The following UBA6 variants were observed in gnomAD, a reference collection of about 807,000 sequenced individuals.
UBA6 encodes ubiquitin like modifier activating enzyme 6.
UBA6 carries 87 observed loss-of-function variants against 148.3 expected under a neutral mutation model. That is an observed-to-expected ratio of 0.59 (90% confidence interval 0.49 to 0.70). The LOEUF (loss-of-function observed/expected upper bound fraction) is 0.70. UBA6 is among the 30% of genes least tolerant of loss of function. The probability of loss-of-function intolerance (pLI) is 0.00; values close to 1 mark genes in which losing one functional copy is unlikely to be tolerated. For synonymous variants in UBA6, 376 were observed against 401.0 expected, an observed-to-expected ratio of 0.94 and a Z score of 0.75; for missense variants, 1,186 against 1,241.2, an observed-to-expected ratio of 0.96 and a Z score of 0.67.
intron 13 of UBA6, among the ~76,000 whole-genome samples, chr4:67,650,689 G>GAA: frequency 6.6e-6 from 1 of 152,248 alleles, no homozygotes; most frequent in Middle Eastern, 3.4e-3. Context: ...ACAGAGAGCA[G>GAA]AAAATACGAA....
At chr4:67,658,486 G>A (rs1729757742) in intron 13 of UBA6, among the ~76,000 whole-genome samples, 2 of 152,088 alleles carry the variant, frequency 1.3e-5, no homozygotes, top group Non-Finnish European at 2.9e-5. Flanking sequence ...ACTTAGAAGT[G>A]GAAGCTAAAT....
Position 67,649,044 on chromosome 4 carries a change from C to T in UBA6, c.1248+24G>A, listed in dbSNP as rs764397857. The T allele has an allele frequency of 3.1e-6, 5 of 1,601,214 alleles. No individual in the cohort carries two copies. The South Asian group carries it at 4.5e-5, about 14-fold the overall frequency. ...CATTCCATTTCACGAGTAAAGAATT[C>T]AACTTTAAAAACTCAGAACTAACCC... On this transcript the variant is annotated intron_variant, in intron 14 of 32. Coordinates refer to ENST00000322244, the MANE Select transcript of UBA6 (RefSeq NM_018227.6).
chr4:67,669,626 T>C (rs891944032), intron 8 of UBA6, among the ~76,000 whole-genome samples: 2 of 152,044 alleles, frequency 1.3e-5, no homozygotes, highest in African/African-American at 4.8e-5. Flanking sequence ...CAAAAAAAAA[T>C]TGAGCTTATG....
rs748493759 is a variant in UBA6, at chr4:67,631,864, T to C, written c.2187A>G (p.Lys729=). 17 of 1,612,240 alleles carry C rather than the reference T, an allele frequency of 1.1e-5. No individual in the cohort carries two copies. In the South Asian group the frequency reaches 1.9e-4, roughly 18 times the overall value. ...CTCAACATTTATACTTACTGCCATC[T>C]TTTAATCGTATGTCCAGAGGGAAAC... The part of the protein sequence containing the change: ...LHCFPLDIRL[K]DGSLFWQSPK... Residue 729 remains lysine, a synonymous_variant, in exon 24 of 33, where the codon AAA becomes AAG. Coordinates refer to ENST00000322244, the MANE Select transcript of UBA6 (RefSeq NM_018227.6).
chr4:67,696,518 T>C lies in UBA6; in HGVS notation c.134+127A>G, dbSNP rs71615030. 2.5e-4 allele frequency: 143 copies of C among 566,546 alleles called. No individual in the cohort carries two copies. In the East Asian group the frequency reaches 2.6e-3, roughly 10 times the overall value. 35.1% of individuals were successfully genotyped at this position (566,546 alleles called of 1,614,324 possible). On this transcript the variant is annotated intron_variant, in intron 2 of 32. Coordinates refer to ENST00000322244, the MANE Select transcript of UBA6 (RefSeq NM_018227.6). ...ATATATACACACATACATATATACA[T>C]ACACACACACACACACACACACACA...
rs1212118563 is a variant in UBA6 at position 67,673,331 on chromosome 4, G to T, written c.546+366C>A. On this transcript the variant is annotated intron_variant, in intron 7 of 32. Coordinates refer to ENST00000322244, the MANE Select transcript of UBA6 (RefSeq NM_018227.6). ...CTCAGGGGACTGAGACAGGAGAATA[G>T]CTTGAACCCGGGAGGCGGAGGTTGG... is the stretch of plus-strand genomic sequence containing the variant. 8.6e-5 allele frequency among the ~76,000 whole-genome samples: 13 copies of T among 150,792 alleles called. No homozygotes were observed. The East Asian group carries it at 2.5e-3, about 29-fold the overall frequency.
intron 16 of UBA6, among the ~76,000 whole-genome samples, 193 bp downstream of exon 16, chr4:67,645,745 A>C (rs1391771371): frequency 6.6e-6 from 1 of 152,234 alleles, no homozygotes; most frequent in African/African-American, 2.4e-5. Context: ...GATATTAATT[A>C]GACCAGAGGA....
rs1057498253 is a variant in UBA6 at position 67,664,192 on chromosome 4, A to G, written c.898-245T>C. Among the ~76,000 whole-genome samples the G allele has an allele frequency of 2.6e-5, 4 of 152,330 alleles. No homozygotes were observed. In the South Asian group the frequency reaches 8.3e-4, roughly 32 times the overall value. ...ATAATAAATTTGGGAACAATTAGTA[A>G]AAACATTTGCATACTTTAAAAAATT... On this transcript the variant is annotated intron_variant, in intron 10 of 32. Transcript: ENST00000322244.
chr4:67,640,396 G>A (rs1443491516), intron 18 of UBA6, among the ~76,000 whole-genome samples: 1 of 152,196 alleles, frequency 6.6e-6, no homozygotes, highest in African/African-American at 2.4e-5. Context: ...TTCTGTTCAT[G>A]ACATTACTAA....
rs770942292 is a variant in UBA6, at chr4:67,668,569, A to T, written c.775T>A (p.Ser259Thr). The change falls in exon 9 of 33, where the codon TCT becomes ACT. Residue 259 changes from serine to threonine, a missense_variant. Physicochemically the swap from Ser to Thr is moderately conservative, Grantham distance 58 (BLOSUM62 1). Transcript: ENST00000322244. The part of the protein sequence containing the change: ...EINGMTGLNG[S>T]IQQITVISPF... Reference sequence around the variant, plus strand: ...GACTTACCCGTTATTTGTTGTATAGATCCATTTAAACCTGTCATTCCATTA... The same window carrying T: ...GACTTACCCGTTATTTGTTGTATAGTTCCATTTAAACCTGTCATTCCATTA... 1.2e-6 allele frequency: 2 copies of T among 1,612,000 alleles called. No homozygotes were observed. The highest frequency in any genetic ancestry group is 1.7e-6 in the Non-Finnish European group (2 of 1,178,520).
Position 67,633,349 on chromosome 4 carries a change from T to C in UBA6, c.2138A>G (p.His713Arg). The change falls in exon 23 of 33, where the codon CAT becomes CGT. Residue 713 changes from histidine to arginine, a missense_variant. His to Arg is a conservative substitution (Grantham distance 29). Coordinates refer to ENST00000322244, the MANE Select transcript of UBA6 (RefSeq NM_018227.6). ...ARLKFEKYFN[H>R]KALQLLHCFP... ...TGTCTCACAATGCATACTTACCTTA[T>C]GGTTAAAATATTTTTCAAACTTTAA... 4 of 1,594,342 alleles carry C rather than the reference T, an allele frequency of 2.5e-6. No homozygotes were observed. Among genetic ancestry groups the C allele is most frequent in the Admixed American group, 1.8e-5 (1 of 56,064 alleles).
At position 67,668,553 on chromosome 4, in the gene UBA6, G is replaced by A. The variant is rs374562239; in HGVS notation, c.791C>T (p.Thr264Met). ...TGLNGSIQQI[T>M]VISPFSFSIG... is the part of the protein sequence containing the mutation. ...ATTAATAAAACACATTGACTTACCC[G>A]TTATTTGTTGTATAGATCCATTTAA... The change falls in exon 9 of 33, where the codon ACG becomes ATG. Residue 264 changes from threonine to methionine, a missense_variant and splice_region_variant. Coordinates refer to ENST00000322244, the MANE Select transcript of UBA6 (RefSeq NM_018227.6). 5.0e-6 allele frequency: 8 copies of A among 1,607,682 alleles called. No homozygotes were observed. The highest frequency in any genetic ancestry group is 4.0e-5 in the African/African-American group (3 of 74,642).
chr4:67,641,358 T>A, intron 17 of UBA6, 130 bp from the exon 18 acceptor site: 1 of 579,034 alleles, frequency 1.7e-6, no homozygotes, highest in Non-Finnish European at 3.0e-6. Context: ...GTCATAATGA[T>A]ACAAACATTC....
chr4:67,647,899 G>A (rs1436324670), intron 14 of UBA6, among the ~76,000 whole-genome samples: 3 of 149,216 alleles, frequency 2.0e-5, no homozygotes, highest in African/African-American at 4.9e-5. Context: ...TCAGCCTCCC[G>A]AGTAGCTGGG....
chr4:67,654,891 T>A (rs1396613571), intron 13 of UBA6, among the ~76,000 whole-genome samples: 1 of 147,102 alleles, frequency 6.8e-6, no homozygotes, highest in Non-Finnish European at 1.5e-5. Context: ...AGGGTTGCAA[T>A]CCTAGTCTCT....
chr4:67,625,440 G>A (rs569111650), intron 28 of UBA6, among the ~76,000 whole-genome samples: 6 of 149,352 alleles, frequency 4.0e-5, no homozygotes, highest in Non-Finnish European at 7.4e-5. Context: ...AACTAGAGAC[G>A]TTTCTGTATT....
chr4:67,650,736 A>C (rs961374810), intron 13 of UBA6, among the ~76,000 whole-genome samples: 1 of 152,178 alleles, frequency 6.6e-6, no homozygotes, highest in Non-Finnish European at 1.5e-5. Flanking sequence ...TTATGGTAAC[A>C]AAACACAGTC....
chr4:67,655,906 A>C (rs939688355), intron 13 of UBA6, among the ~76,000 whole-genome samples: 7 of 152,280 alleles, frequency 4.6e-5, no homozygotes, highest in Non-Finnish European at 7.3e-5. Flanking sequence ...GAATACTATA[A>C]GCCCCTCTAT....
chr4:67,634,143 CTCTT>C (rs1309988162), intron 22 of UBA6, 95 bp downstream of exon 22: 1 of 735,578 alleles, frequency 1.4e-6, no homozygotes, highest in Non-Finnish European at 2.1e-6. Flanking sequence ...TATACAATCA[CTCTT>C]TATGGAGGTA....
Sources: allele counts gnomAD v4.1 joint callset (sites outside exome capture counted in the v4.1 genomes callset), GRCh38; gene constraint gnomAD v4.1.1; transcripts MANE v1.5; gene names NCBI Gene and HGNC (gene_info 2026-07-23, HGNC 2026-07-21).